MAST4: variants seen among roughly 807,000 people sequenced by gnomAD.
MAST4 encodes the protein microtubule associated serine/threonine kinase family member 4.
In MAST4, 89 loss-of-function variants were observed where a neutral mutation model predicts 162.7. The observed-to-expected ratio is 0.55, with a 90% CI of 0.46 to 0.65. MAST4 has a LOEUF of 0.65. Among genes scored for constraint, MAST4 ranks in the 30% least tolerant of loss-of-function variants. MAST4 has a pLI of 0.00. For synonymous variants in MAST4, 1,479 were observed against 1,361.1 expected (o/e 1.09, Z -1.91); for missense variants, 3,153 against 3,374.0 (o/e 0.93, Z 1.62).
intron 5 of MAST4, among the ~76,000 whole-genome samples, chr5:67,058,482 G>C (rs1382280160): frequency 6.6e-6 from 1 of 152,142 alleles, no homozygotes; most frequent in Non-Finnish European, 1.5e-5. Flanking sequence ...CATGGCTTTT[G>C]TACCTAGCAA....
At chr5:66,831,703 C>T (rs1757609925) in intron 3 of MAST4, among the ~76,000 whole-genome samples, 1 of 152,170 alleles carries the variant, frequency 6.6e-6, no homozygotes, top group Non-Finnish European at 1.5e-5. Flanking sequence ...ATTCATATTT[C>T]CAGTACTACT....
At chr5:67,120,854 G>A (rs1767491634) in intron 13 of MAST4, among the ~76,000 whole-genome samples, 163 bp from the exon 14 acceptor site, 1 of 152,212 alleles carries the variant, frequency 6.6e-6, no homozygotes, top group South Asian at 2.1e-4. Flanking sequence ...CAGCATTGCT[G>A]TGGATGATGG....
At chr5:66,837,654 C>A (rs2149777475) in intron 3 of MAST4, among the ~76,000 whole-genome samples, 1 of 151,778 alleles carries the variant, frequency 6.6e-6, no homozygotes, top group Admixed American at 6.6e-5. Flanking sequence ...AGCCTATAGT[C>A]TAGATACAAT....
intron 1 of MAST4, among the ~76,000 whole-genome samples, chr5:66,748,996 A>C (rs547265275): frequency 1.6e-4 from 25 of 151,986 alleles, no homozygotes; most frequent in Non-Finnish European, 3.2e-4. Context: ...GAGAATAATA[A>C]ATGTTTTTCT....
At chr5:67,070,665 A>T (rs1760843874) in intron 5 of MAST4, among the ~76,000 whole-genome samples, 1 of 152,214 alleles carries the variant, frequency 6.6e-6, no homozygotes, top group African/African-American at 2.4e-5. Context: ...GAAACTAAGA[A>T]CATACCAATG....
chr5:67,106,183 T>G (rs760455805), intron 10 of MAST4, among the ~76,000 whole-genome samples: 9 of 152,116 alleles, frequency 5.9e-5, no homozygotes, highest in Non-Finnish European at 1.2e-4. Context: ...CCTCCCTCTC[T>G]CCTAGGGATC....
intron 3 of MAST4, among the ~76,000 whole-genome samples, chr5:66,814,626 T>G (rs1322436961): frequency 2.6e-5 from 4 of 152,172 alleles, no homozygotes; most frequent in African/African-American, 9.7e-5. Flanking sequence ...TCAGCAAATC[T>G]CCTTTGCAAG....
chr5:67,081,061 A>AATATATAATTGTATATATT (rs1762581449), intron 5 of MAST4, among the ~76,000 whole-genome samples: 3 of 120,046 alleles, frequency 2.5e-5, no homozygotes, highest in East Asian at 2.2e-4. Flanking sequence ...TATATTATAT[A>AATATATAATTGTATATATT]ATATAATATA....
At chr5:67,023,350 A>C (rs1754228047) in intron 4 of MAST4, among the ~76,000 whole-genome samples, 1 of 152,164 alleles carries the variant, frequency 6.6e-6, no homozygotes, top group Non-Finnish European at 1.5e-5. Flanking sequence ...AGCAATCTAG[A>C]GTCTGTGGGC....
chr5:66,966,033 A>G (rs1581040754), intron 4 of MAST4, among the ~76,000 whole-genome samples: 1 of 152,256 alleles, frequency 6.6e-6, no homozygotes, highest in South Asian at 2.1e-4. Flanking sequence ...TAGTTGGCCA[A>G]CTGGTTTTAT....
At chr5:66,846,425 C>G (rs1758862302) in intron 3 of MAST4, among the ~76,000 whole-genome samples, 1 of 152,010 alleles carries the variant, frequency 6.6e-6, no homozygotes, top group Non-Finnish European at 1.5e-5. Context: ...CAATTGTAGG[C>G]TTAGAGAGGG....
chr5:66,956,633 C>T (rs1011622722), intron 4 of MAST4, among the ~76,000 whole-genome samples: 47 of 152,278 alleles, frequency 3.1e-4, no homozygotes, highest in African/African-American at 1.0e-3. Flanking sequence ...CTCAAGGTGA[C>T]GTAATTTTCT....
intron 3 of MAST4, among the ~76,000 whole-genome samples, chr5:66,853,963 AAT>A (rs1352662678): frequency 6.6e-6 from 1 of 152,210 alleles, no homozygotes; most frequent in Non-Finnish European, 1.5e-5. Flanking sequence ...CATAGTTTAA[AAT>A]AAGTTAGGGA....
intron 5 of MAST4, among the ~76,000 whole-genome samples, chr5:67,077,830 T>C (rs182596095): frequency 6.6e-6 from 1 of 152,190 alleles, no homozygotes; most frequent in Non-Finnish European, 1.5e-5. Flanking sequence ...ACAGGTGCAG[T>C]GGCTCATGCC....
intron 2 of MAST4, among the ~76,000 whole-genome samples, chr5:66,761,895 A>C (rs1349930608): frequency 1.3e-5 from 2 of 152,202 alleles, no homozygotes; most frequent in Non-Finnish European, 2.9e-5. Context: ...AAGAAAATTA[A>C]ATCTTAAAGG....
At chr5:66,955,451 A>G (rs1226603056) in intron 4 of MAST4, among the ~76,000 whole-genome samples, 2 of 152,128 alleles carry the variant, frequency 1.3e-5, no homozygotes, top group Non-Finnish European at 2.9e-5. Flanking sequence ...GTGTGGTATG[A>G]ACATACCATA....
At chr5:66,738,493 G>A (rs911691809) in intron 1 of MAST4, among the ~76,000 whole-genome samples, 4 of 152,142 alleles carry the variant, frequency 2.6e-5, no homozygotes, top group Non-Finnish European at 5.9e-5. Context: ...CTAGCCTCTG[G>A]GGATTCATCA....
At chr5:67,045,602 CTA>C (rs1007178631) in intron 4 of MAST4, among the ~76,000 whole-genome samples, 4 of 152,144 alleles carry the variant, frequency 2.6e-5, no homozygotes, top group Non-Finnish European at 4.4e-5. Flanking sequence ...TACTGTACCT[CTA>C]TGTTTAGATC....
chr5:66,839,595 T>C (rs1758274462), intron 3 of MAST4, among the ~76,000 whole-genome samples: 1 of 152,182 alleles, frequency 6.6e-6, no homozygotes, highest in Non-Finnish European at 1.5e-5. Context: ...TAGGTTTTTT[T>C]TTTCCCCAAA....
Sources: gnomAD v4.1 joint callset for allele counts (sites outside exome capture counted in the v4.1 genomes callset) on GRCh38, gnomAD v4.1.1 for gene constraint, MANE v1.5 for transcripts, NCBI Gene and HGNC (gene_info 2026-07-23, HGNC 2026-07-21) for gene names.